Variants in FAM135A observed in about 807,000 individuals in gnomAD.
The protein encoded by FAM135A is family with sequence similarity 135 member A.
Under a neutral mutation model 146.8 loss-of-function variants are expected in FAM135A, and 79 were observed. The ratio of observed to expected loss-of-function variants is 0.54; its 90% CI spans 0.45 to 0.65. The LOEUF (loss-of-function observed/expected upper bound fraction) is 0.65. Among genes scored for constraint, FAM135A ranks in the 30% least tolerant of loss-of-function variants. FAM135A has a pLI of 0.00. For missense variants in FAM135A, 1,623 were observed against 1,758.2 expected (o/e 0.92, Z 1.38); for synonymous variants, 562 against 603.6 (o/e 0.93, Z 1.01).
chr6:70,458,704 T>C (rs944615329), intron 5 of FAM135A, among the ~76,000 whole-genome samples: 1 of 152,144 alleles, frequency 6.6e-6, no homozygotes, highest in Admixed American at 6.5e-5. Context: ...GGATAGTGAT[T>C]GATGGGATGT....
chr6:70,498,650 T>C lies in FAM135A; in HGVS notation c.874-3986T>C, dbSNP rs149998621. ...TTCCCTGTTAACACTGCTTTAGCTG[T>C]GTCCCAGAGATTCTGGTACATTGTC... On this transcript the variant is annotated intron_variant, in intron 11 of 21. Coordinates refer to ENST00000418814, the MANE Select transcript of FAM135A (RefSeq NM_001162529.3). 3.0e-3 allele frequency among the ~76,000 whole-genome samples: 458 copies of C among 152,356 alleles called. 3 individuals are homozygous for C. Among genetic ancestry groups the C allele is most frequent in the African/African-American group, 0.011 (437 of 41,590 alleles).
intron 20 of FAM135A, among the ~76,000 whole-genome samples, chr6:70,548,617 CTCT>C (rs1799270483): frequency 3.9e-5 from 6 of 152,106 alleles, no homozygotes; most frequent in Admixed American, 3.9e-4. Context: ...ACATCAGAAT[CTCT>C]GTAAAGAGCT....
intron 12 of FAM135A, among the ~76,000 whole-genome samples, chr6:70,516,107 A>C (rs1006809275): frequency 6.6e-6 from 1 of 152,252 alleles, no homozygotes; most frequent in African/African-American, 2.4e-5. Context: ...CCAGTTTTAC[A>C]GTTGTTTGCA....
chr6:70,502,490 C>G, intron 11 of FAM135A, 146 bp from the exon 12 acceptor site: 1 of 683,402 alleles, frequency 1.5e-6, no homozygotes, highest in Non-Finnish European at 2.3e-6. Flanking sequence ...GTCTTTGTCT[C>G]TACACATGTG....
At chr6:70,464,108 GAATA>G (rs1470278019) in intron 5 of FAM135A, among the ~76,000 whole-genome samples, 1 of 152,170 alleles carries the variant, frequency 6.6e-6, no homozygotes, top group African/African-American at 2.4e-5. Flanking sequence ...ATGGTTGAAT[GAATA>G]GTCACTTGGT....
intron 10 of FAM135A, chr6:70,486,150 G>C (rs1161712011): frequency 6.2e-7 from 1 of 1,612,100 alleles, no homozygotes; most frequent in South Asian, 1.1e-5. Flanking sequence ...AGTGCTGTGT[G>C]CAATCCTTAT....
chr6:70,474,376 A>G (rs1319910511), intron 5 of FAM135A, among the ~76,000 whole-genome samples: 1 of 152,144 alleles, frequency 6.6e-6, no homozygotes, highest in Non-Finnish European at 1.5e-5. Context: ...TGACCCAGAG[A>G]TAAAAACCAA....
At chr6:70,472,085 G>A (rs1001480397) in intron 5 of FAM135A, among the ~76,000 whole-genome samples, 1 of 152,142 alleles carries the variant, frequency 6.6e-6, no homozygotes, top group African/African-American at 2.4e-5. Flanking sequence ...GTGGTTTTAG[G>A]GAGGAGAGAC....
intron 2 of FAM135A, among the ~76,000 whole-genome samples, chr6:70,417,948 C>T (rs906923248): frequency 1.1e-4 from 16 of 152,170 alleles, no homozygotes; most frequent in East Asian, 9.6e-4. Flanking sequence ...TTCTAAAAAG[C>T]GATTCTCATT....
At chr6:70,513,990 GT>G (rs145529786) in intron 12 of FAM135A, among the ~76,000 whole-genome samples, 18,985 of 148,988 alleles carry the variant, frequency 0.13, 1,471 homozygotes, top group Middle Eastern at 0.19. Flanking sequence ...GTTGTTGTTT[GT>G]TTTTTTTTGT....
At chr6:70,494,816 T>G (rs1188241717) in intron 11 of FAM135A, among the ~76,000 whole-genome samples, 1 of 151,744 alleles carries the variant, frequency 6.6e-6, no homozygotes, top group African/African-American at 2.4e-5. Context: ...AAAAAGAGAG[T>G]TGTGTACTTT....
In FAM135A at chr6:70,526,410, A is replaced by G. The variant is rs746711807; in HGVS notation, c.3326A>G (p.Asp1109Gly). Residue 1109 changes from aspartate (D) to glycine (G), a missense_variant, in exon 15 of 22, where the codon GAT becomes GGT. Physicochemically the swap from Asp to Gly is moderately conservative, Grantham distance 94. Coordinates refer to ENST00000418814, the MANE Select transcript of FAM135A (RefSeq NM_001162529.3). ...GAAGAAACAGATTATTCAGCTTTGG[A>G]TGGAACAATAAATGCTCACTATACA... The part of the protein sequence containing the change: ...YYEETDYSAL[D>G]GTINAHYTSR... 9 of 1,613,538 alleles carry G rather than the reference A, an allele frequency of 5.6e-6. No homozygotes were observed. The highest frequency in any genetic ancestry group is 1.3e-5 in the African/African-American group (1 of 74,888).
At chr6:70,533,702 TC>T in intron 17 of FAM135A, 54 bp from the exon 18 acceptor site, 1 of 1,046,706 alleles carries the variant, frequency 9.6e-7, no homozygotes, top group Non-Finnish European at 1.4e-6. Context: ...TGTTAGTTTT[TC>T]ATGTGATTAT....
chr6:70,514,392 T>C (rs996616436), intron 12 of FAM135A, among the ~76,000 whole-genome samples: 1 of 152,188 alleles, frequency 6.6e-6, no homozygotes. Context: ...GTTTACTGTT[T>C]ATGACCAGCT....
At chr6:70,496,681 T>C (rs1787349129) in intron 11 of FAM135A, among the ~76,000 whole-genome samples, 1 of 152,192 alleles carries the variant, frequency 6.6e-6, no homozygotes, top group African/African-American at 2.4e-5. Flanking sequence ...TAATTTTGTA[T>C]AAGGTGTAAG....
chr6:70,544,547 C>G (rs1451861496), intron 20 of FAM135A, among the ~76,000 whole-genome samples: 1 of 151,694 alleles, frequency 6.6e-6, no homozygotes, highest in East Asian at 1.9e-4. Context: ...GAAGACCAGC[C>G]TGGGCAACAT....
At chr6:70,440,877 G>A (rs1468694862) in intron 4 of FAM135A, among the ~76,000 whole-genome samples, 1 of 152,020 alleles carries the variant, frequency 6.6e-6, no homozygotes. Flanking sequence ...TATTCCTTGT[G>A]CATTTATTAG....
At chr6:70,510,719 G>A (rs992636547) in intron 12 of FAM135A, among the ~76,000 whole-genome samples, 1 of 151,994 alleles carries the variant, frequency 6.6e-6, no homozygotes, top group African/African-American at 2.4e-5. Flanking sequence ...ATAGTTGCTG[G>A]TATGAAAATT....
chr6:70,486,260 G>C (rs377070236), intron 10 of FAM135A: 11 of 1,608,416 alleles, frequency 6.8e-6, no homozygotes, highest in Non-Finnish European at 9.3e-6. Context: ...TTTACAAATA[G>C]CTTAAGTAAA....
Sources: allele counts gnomAD v4.1 joint callset (sites outside exome capture counted in the v4.1 genomes callset), GRCh38; gene constraint gnomAD v4.1.1; transcripts MANE v1.5; gene names NCBI Gene and HGNC (gene_info 2026-07-23, HGNC 2026-07-21).